The following MFSD2B variants were observed in gnomAD, a reference collection of about 807,000 sequenced individuals.
MFSD2B encodes MFSD2 lysolipid transporter B, sphingolipid.
MFSD2B carries 56 observed loss-of-function variants against 58.4 expected under a neutral mutation model. That is an observed-to-expected ratio of 0.96 (90% CI 0.77 to 1.20). MFSD2B has a LOEUF of 1.20. Among genes scored for constraint, MFSD2B ranks in the 50% most tolerant of loss-of-function variants. The pLI is 0.00. For missense variants in MFSD2B, 645 were observed against 667.6 expected (o/e 0.97, Z 0.37); for synonymous variants, 287 against 294.4 (o/e 0.97, Z 0.26).
chr2:24,016,796 TC>T, intron 3 of MFSD2B, 48 bp from the exon 4 acceptor site: 2 of 1,603,802 alleles, frequency 1.2e-6, no homozygotes, highest in Non-Finnish European at 1.7e-6. Context: ...CCCTTTGTGT[TC>T]CCCTGTCTGG....
Position 24,012,823 on chromosome 2 carries a change from A to G in MFSD2B, c.97-462A>G. On this transcript the variant is annotated intron_variant, in intron 1 of 13. Coordinates refer to ENST00000338315, the MANE Select transcript of MFSD2B (RefSeq NM_001346880.2). This position sits in a 1 kb window ranked among gnomAD's most constrained non-coding sequence, Gnocchi z 4.5. ...GCTGTGGGTAGGCAGGCTATGGGTA[A>G]ATGAGCTATCGCCTCATTTACTCAT... 1 of 153,412 alleles carries G rather than the reference A, an allele frequency of 6.5e-6. No homozygotes were observed. The highest frequency in any genetic ancestry group is 2.1e-4 in the South Asian group (1 of 4,858). 9.5% of individuals were successfully genotyped at this position (153,412 alleles called of 1,614,324 possible).
Position 24,017,204 on chromosome 2 carries a change from G to A in MFSD2B, c.472-82G>A. On this transcript the variant is annotated intron_variant, in intron 4 of 13. Transcript: ENST00000338315. This position sits in a 1 kb window ranked among gnomAD's most constrained non-coding sequence, Gnocchi z 4.8. ...TGTCACGTTGGCCTGTGGGTGTCGG[G>A]ATGTGACACCCAGGATGGGGGAGGT... 1 of 1,415,946 alleles carries A rather than the reference G, an allele frequency of 7.1e-7. No individual in the cohort carries two copies. Among genetic ancestry groups the A allele is most frequent in the Non-Finnish European group, 9.7e-7 (1 of 1,034,558 alleles). 87.7% of individuals were successfully genotyped at this position (1,415,946 alleles called of 1,614,324 possible). A position where few individuals can be genotyped will look rare whatever the true frequency, so the allele number is the denominator to read the frequency against.
chr2:24,015,661 T>A lies in MFSD2B; in HGVS notation c.223-495T>A, dbSNP rs140700036. Among the ~76,000 whole-genome samples the A allele has an allele frequency of 5.0e-3, 754 of 152,312 alleles. 5 individuals are homozygous for A. Among genetic ancestry groups the A allele is most frequent in the African/African-American group, 0.016 (660 of 41,554 alleles). On this transcript the variant is annotated intron_variant, in intron 2 of 13. Transcript: ENST00000338315. ...TTAGTATTTTCCTGCATAGTTTGAG[T>A]GTTTTTCTAATAAGTGTATTATTTA...
Position 24,016,983 on chromosome 2 carries a change from T to C in MFSD2B, c.471+15T>C. On this transcript the variant is annotated intron_variant, in intron 4 of 13. Transcript: ENST00000338315. ...CCCTGGCCACGGTAAGCAGGGCCCC[T>C]TCCTGGGCCTGTGCTCTGGCGAAGC... 6.2e-7 allele frequency: 1 copy of C among 1,613,290 alleles called. No individual in the cohort carries two copies. Among genetic ancestry groups the C allele is most frequent in the South Asian group, 1.1e-5 (1 of 91,088 alleles).
At position 24,013,369 on chromosome 2, in the gene MFSD2B, A is replaced by G; in HGVS notation, c.181A>G (p.Thr61Ala). ...CCCCAACCAGATAGCCTCCAGCGCC[A>G]CAGCCTTTTACCTGCAGCTTTTCCT... Reference protein sequence around the residue: ...GVPNQIASSATAFYLQLFLLD... With the variant: ...GVPNQIASSAAAFYLQLFLLD... Residue 61 changes from threonine (T) to alanine (A), a missense_variant, in exon 2 of 14, where the codon ACA becomes GCA. Thr to Ala is a moderately conservative substitution (Grantham distance 58). Coordinates refer to ENST00000338315, the MANE Select transcript of MFSD2B (RefSeq NM_001346880.2). 6.2e-7 allele frequency: 1 copy of G among 1,610,768 alleles called. No homozygotes were observed. Among genetic ancestry groups the G allele is most frequent in the Admixed American group, 1.7e-5 (1 of 59,694 alleles).
At position 24,023,160 on chromosome 2, in the gene MFSD2B, G is replaced by A. The variant is rs1265503898; in HGVS notation, c.1090G>A (p.Ala364Thr). The A allele has an allele frequency of 6.2e-7, 1 of 1,613,266 alleles. No individual in the cohort carries two copies. Among genetic ancestry groups the A allele is most frequent in the Non-Finnish European group, 8.5e-7 (1 of 1,179,834 alleles). Reference protein sequence around the residue: ...AMVPFAILLAAVPTAPVAYVV... With the variant: ...AMVPFAILLATVPTAPVAYVV... ...GGTGCCCTTTGCGATCTTGCTGGCT[G>A]CTGTGCCCACAGCACCTGTGGCATA... is the stretch of plus-strand genomic sequence containing the variant. Residue 364 changes from alanine (A) to threonine (T), a missense_variant, in exon 11 of 14, where the codon GCT becomes ACT. Transcript: ENST00000338315. The surrounding 1 kb of genome is among the most constrained non-coding windows in gnomAD (Gnocchi z 5.0).
rs1709215469 is a variant in MFSD2B, at chr2:24,017,833, C to T, written c.681+245C>T. ...AATAGAATAGACACTGGGCCAGCCA[C>T]CTGGAGCAGAGGAGGCCAGCCCCAG... On this transcript the variant is annotated intron_variant, in intron 6 of 13. Coordinates refer to ENST00000338315, the MANE Select transcript of MFSD2B (RefSeq NM_001346880.2). The surrounding 1 kb of genome is among the most constrained non-coding windows in gnomAD (Gnocchi z 4.8). Among the ~76,000 whole-genome samples, 2 of 152,328 alleles carry T rather than the reference C, an allele frequency of 1.3e-5. No homozygotes were observed. Among genetic ancestry groups the T allele is most frequent in the South Asian group, 4.1e-4 (2 of 4,830 alleles).
At position 24,021,697 on chromosome 2, in the gene MFSD2B, T is replaced by C; in HGVS notation, c.731T>C (p.Val244Ala). The C allele has an allele frequency of 1.9e-6, 3 of 1,613,698 alleles. No homozygotes were observed. The highest frequency in any genetic ancestry group is 1.7e-6 in the Non-Finnish European group (2 of 1,179,778). Reference sequence around the variant, plus strand: ...GCCGTGGTTGTAGTGACTTACCCCGTGTGCATCAGTTTACTGTGCCTAGGG... The same window carrying C: ...GCCGTGGTTGTAGTGACTTACCCCGCGTGCATCAGTTTACTGTGCCTAGGG... ...AAAVVVVTYPVCISLLCLGVK... is the reference protein window; with the variant it reads ...AAAVVVVTYPACISLLCLGVK... Residue 244 changes from valine (V) to alanine (A), a missense_variant, in exon 7 of 14, where the codon GTG (valine) becomes GCG (alanine). Val to Ala is a moderately conservative substitution (Grantham distance 64, BLOSUM62 0). Coordinates refer to ENST00000338315, the MANE Select transcript of MFSD2B (RefSeq NM_001346880.2). The surrounding 1 kb of genome is among the most constrained non-coding windows in gnomAD (Gnocchi z 5.7).
Position 24,022,682 on chromosome 2 carries a change from G to A in MFSD2B, c.979-140G>A. ...CCAGCAGAGGGTAGAATTGGGGCCA[G>A]GATTACAACATTCATAGCCACCGGT... On this transcript the variant is annotated intron_variant, in intron 9 of 13. Transcript: ENST00000338315. The surrounding 1 kb of genome is among the most constrained non-coding windows in gnomAD (Gnocchi z 4.5). 1.2e-6 allele frequency: 1 copy of A among 842,000 alleles called. No individual in the cohort carries two copies. The highest frequency in any genetic ancestry group is 1.8e-6 in the Non-Finnish European group (1 of 548,444). 52.2% of individuals were successfully genotyped at this position (842,000 alleles called of 1,614,324 possible). A position where few individuals can be genotyped will look rare whatever the true frequency, so the allele number is the denominator to read the frequency against.
At chr2:24,025,344 G>A (rs995634243) in intron 13 of MFSD2B, 88 bp from the exon 14 acceptor site, 19 of 1,225,750 alleles carry the variant, frequency 1.6e-5, no homozygotes, top group Non-Finnish European at 2.2e-5. Context: ...ACAAGGAGCA[G>A]CCACCAAACC....
At chr2:24,016,319 T>TCCTGGCCCTGGC in intron 3 of MFSD2B, 39 bp downstream of exon 3, 8 of 1,593,964 alleles carry the variant, frequency 5.0e-6, no homozygotes, top group Non-Finnish European at 6.8e-6. Flanking sequence ...AGGCACCTGG[T>TCCTGGCCCTGGC]CCTGGCCCTG....
At position 24,014,248 on chromosome 2, in the gene MFSD2B, G is replaced by A. The variant is rs377106059; in HGVS notation, c.222+838G>A. ...AGGCTGGTCTTGAACTCCTGACCTC[G>A]TGATCCACCCACCTCAGCCTCCCAA... On this transcript the variant is annotated intron_variant, in intron 2 of 13. Coordinates refer to ENST00000338315, the MANE Select transcript of MFSD2B (RefSeq NM_001346880.2). Among the ~76,000 whole-genome samples, 628 of 151,982 alleles carry A rather than the reference G, an allele frequency of 4.1e-3. 7 individuals carry two copies. Among genetic ancestry groups the A allele is most frequent in the African/African-American group, 0.013 (538 of 41,472 alleles).
In MFSD2B at chr2:24,017,258, G is replaced by A. The variant is rs778693896; in HGVS notation, c.472-28G>A. On this transcript the variant is annotated intron_variant, in intron 4 of 13. Transcript: ENST00000338315. This position sits in a 1 kb window ranked among gnomAD's most constrained non-coding sequence, Gnocchi z 4.8. ...CCGCTGTCACCAGGCAAAGCTGGGGGCGGTTCTAAGCTCTGCCGACGCCCC... is the reference window on the plus strand; with the variant it reads ...CCGCTGTCACCAGGCAAAGCTGGGGACGGTTCTAAGCTCTGCCGACGCCCC... 4.5e-6 allele frequency: 7 copies of A among 1,567,422 alleles called. No individual in the cohort carries two copies. The highest frequency in any genetic ancestry group is 6.1e-6 in the Non-Finnish European group (7 of 1,156,966).
In MFSD2B at chr2:24,023,309, C is replaced by A; in HGVS notation, c.1169+70C>A. The A allele has an allele frequency of 7.8e-7, 1 of 1,284,408 alleles. No individual in the cohort carries two copies. The highest frequency in any genetic ancestry group is 1.1e-6 in the Non-Finnish European group (1 of 890,060). The allele number at this position is 1,284,408 out of a possible 1,614,324, so 79.6% of individuals were successfully genotyped here. A position where few individuals can be genotyped will look rare whatever the true frequency, so the allele number is the denominator to read the frequency against. ...ACCTCCTTCATGTAAACCTGCCGTC[C>A]CAGGCCCCCTGCACCCAGCCTGTGC... On this transcript the variant is annotated intron_variant, in intron 11 of 13. Coordinates refer to ENST00000338315, the MANE Select transcript of MFSD2B (RefSeq NM_001346880.2). This position sits in a 1 kb window ranked among gnomAD's most constrained non-coding sequence, Gnocchi z 5.0.
chr2:24,023,872 A>T lies in MFSD2B; in HGVS notation c.1313+146A>T. On this transcript the variant is annotated intron_variant, in intron 12 of 13. Coordinates refer to ENST00000338315, the MANE Select transcript of MFSD2B (RefSeq NM_001346880.2). This position sits in a 1 kb window ranked among gnomAD's most constrained non-coding sequence, Gnocchi z 5.0. ...GGAGAGTGTGGGGAACCACTTCCCC[A>T]GGTTTCTCTGTGCATGAGACTGAGA... 1 of 1,118,616 alleles carries T rather than the reference A, an allele frequency of 8.9e-7. No individual in the cohort carries two copies. The highest frequency in any genetic ancestry group is 1.3e-6 in the Non-Finnish European group (1 of 778,856). The allele number at this position is 1,118,616 out of a possible 1,614,324, so 69.3% of individuals were successfully genotyped here. A position where few individuals can be genotyped will look rare whatever the true frequency, so the allele number is the denominator to read the frequency against.
Position 24,018,709 on chromosome 2 carries a change from C to A in MFSD2B, c.681+1121C>A, listed in dbSNP as rs1272300949. The A allele has an allele frequency of 1.2e-4, 20 of 173,124 alleles. No individual in the cohort carries two copies. The East Asian group carries it at 2.0e-3, about 17-fold the overall frequency. 10.7% of individuals were successfully genotyped at this position (173,124 alleles called of 1,614,324 possible). On this transcript the variant is annotated intron_variant, in intron 6 of 13. Transcript: ENST00000338315. ...GCAGTTACTTGAATTAAAAAAAATC[C>A]TTTTCTGGAAAAAAAAAAAAAAAAG...
chr2:24,023,842 T>A lies in MFSD2B; in HGVS notation c.1313+116T>A. Reference sequence around the variant, plus strand: ...CATGAGCCTGGGGCCTAAGCGCTACTCTTTGGAGAGTGTGGGGAACCACTT... The same window carrying A: ...CATGAGCCTGGGGCCTAAGCGCTACACTTTGGAGAGTGTGGGGAACCACTT... On this transcript the variant is annotated intron_variant, in intron 12 of 13. Transcript: ENST00000338315. This position sits in a 1 kb window ranked among gnomAD's most constrained non-coding sequence, Gnocchi z 5.0. The A allele has an allele frequency of 7.7e-7, 1 of 1,295,926 alleles. No individual in the cohort carries two copies. Among genetic ancestry groups the A allele is most frequent in the Non-Finnish European group, 1.1e-6 (1 of 930,704 alleles). The allele number at this position is 1,295,926 out of a possible 1,614,324, so 80.3% of individuals were successfully genotyped here.
At position 24,025,566 on chromosome 2, in the gene MFSD2B, C is replaced by A; in HGVS notation, c.*110C>A. The A allele has an allele frequency of 9.9e-7, 1 of 1,012,726 alleles. No individual in the cohort carries two copies. Among genetic ancestry groups the A allele is most frequent in the Non-Finnish European group, 1.5e-6 (1 of 672,596 alleles). The allele number at this position is 1,012,726 out of a possible 1,614,324, so 62.7% of individuals were successfully genotyped here. A position where few individuals can be genotyped will look rare whatever the true frequency, so the allele number is the denominator to read the frequency against. On this transcript the variant is annotated 3_prime_UTR_variant, in exon 14 of 14. Transcript: ENST00000338315. ...TCTGGCAGTTTAGTATGTGACCTTT[C>A]TCCCTGGGATGTGGAGTCTTCGGCA... is the stretch of plus-strand genomic sequence containing the variant.
rs1251941277 is a variant in MFSD2B at position 24,017,881 on chromosome 2, G to A, written c.681+293G>A. 6.6e-6 allele frequency among the ~76,000 whole-genome samples: 1 copy of A among 152,178 alleles called. No individual in the cohort carries two copies. The highest frequency in any genetic ancestry group is 1.5e-5 in the Non-Finnish European group (1 of 68,022). On this transcript the variant is annotated intron_variant, in intron 6 of 13. Coordinates refer to ENST00000338315, the MANE Select transcript of MFSD2B (RefSeq NM_001346880.2). The surrounding 1 kb of genome is among the most constrained non-coding windows in gnomAD (Gnocchi z 4.8). ...CAGAGGAGGGGCGAGGGTGGGGAAA[G>A]CCGCAGGACAGGCTAGGGGAGGGGG...
Sources: gnomAD v4.1 joint callset for allele counts (sites outside exome capture counted in the v4.1 genomes callset) on GRCh38, gnomAD v4.1.1 for gene constraint, Gnocchi (gnomAD v3.1) non-coding constraint, MANE v1.5 for transcripts, NCBI Gene and HGNC (gene_info 2026-07-23, HGNC 2026-07-21) for gene names.